The following ZFAND6 variants were observed in gnomAD, a reference collection of about 807,000 sequenced individuals.
The protein encoded by ZFAND6 is AN1-type zinc finger protein 6.
Under a neutral mutation model 24.5 loss-of-function variants are expected in ZFAND6, and 12 were observed. The ratio of observed to expected loss-of-function variants is 0.49; its 90% CI spans 0.31 to 0.79. ZFAND6 has a LOEUF of 0.79. Ranked by LOEUF, ZFAND6 falls within the 30% of genes least tolerant of loss-of-function variation. ZFAND6 has a pLI of 0.04. For synonymous variants in ZFAND6, 92 were observed against 81.5 expected, an observed-to-expected ratio of 1.13 and a Z score of -0.69; for missense variants, 207 against 245.9, an observed-to-expected ratio of 0.84 and a Z score of 1.06.
chr15:80,076,843 C>A (rs1200839705), intron 1 of ZFAND6, among the ~76,000 whole-genome samples: 1 of 151,854 alleles, frequency 6.6e-6, no homozygotes, highest in Non-Finnish European at 1.5e-5. Context: ...TTTGTAATTC[C>A]TTCTTCTAAG....
chr15:80,121,534 CAT>C (rs1380194880), intron 3 of ZFAND6, among the ~76,000 whole-genome samples, 176 bp from the exon 4 acceptor site: 1 of 152,108 alleles, frequency 6.6e-6, no homozygotes, highest in Non-Finnish European at 1.5e-5. Flanking sequence ...TTAAAATTAA[CAT>C]ATTTTTCACT....
At chr15:80,113,082 CTTAT>C (rs1477590919) in intron 2 of ZFAND6, among the ~76,000 whole-genome samples, 1 of 152,170 alleles carries the variant, frequency 6.6e-6, no homozygotes, top group Non-Finnish European at 1.5e-5. Context: ...AATGTGCATT[CTTAT>C]TTAACCAGAC....
chr15:80,074,713 T>A lies in ZFAND6; in HGVS notation c.-181+14904T>A, dbSNP rs559713840. Among the ~76,000 whole-genome samples the A allele has an allele frequency of 4.6e-5, 7 of 152,074 alleles. No homozygotes were observed. In the South Asian group the frequency reaches 1.4e-3, roughly 31 times the overall value. On this transcript the variant is annotated intron_variant, in intron 1 of 6. Coordinates refer to ENST00000261749, the MANE Select transcript of ZFAND6 (RefSeq NM_019006.4). ...CACACATATAGTGGTGCTAGACATA[T>A]GTTGTTTCTGTTTGTCTTTAAGAGC...
At chr15:80,115,244 T>A (rs2039818341) in intron 2 of ZFAND6, among the ~76,000 whole-genome samples, 1 of 152,164 alleles carries the variant, frequency 6.6e-6, no homozygotes, top group Non-Finnish European at 1.5e-5. Flanking sequence ...TCTGGGATGT[T>A]AGAGGGAGTA....
intron 1 of ZFAND6, among the ~76,000 whole-genome samples, chr15:80,091,508 T>C (rs935753217): frequency 6.6e-6 from 1 of 152,208 alleles, no homozygotes; most frequent in African/African-American, 2.4e-5. Context: ...TTTATAATGT[T>C]ATGAAAACTA....
chr15:80,119,256 G>C (rs2040037257), intron 2 of ZFAND6, among the ~76,000 whole-genome samples: 1 of 152,008 alleles, frequency 6.6e-6, no homozygotes, highest in Admixed American at 6.6e-5. Flanking sequence ...TAATGCCTCT[G>C]TCCTGTTAGT....
At position 80,080,185 on chromosome 15, in the gene ZFAND6, C is replaced by T. The variant is rs546786811; in HGVS notation, c.-180-18231C>T. Among the ~76,000 whole-genome samples, 133 of 151,828 alleles carry T rather than the reference C, an allele frequency of 8.8e-4. 1 individual carries two copies. Among genetic ancestry groups the T allele is most frequent in the Middle Eastern group, 3.4e-3 (1 of 292 alleles). ...GCTAATTTTTGTATTTTAGTAGCTA[C>T]GGGGTTTCACCATGTTGGCCAGGCT... On this transcript the variant is annotated intron_variant, in intron 1 of 6. Coordinates refer to ENST00000261749, the MANE Select transcript of ZFAND6 (RefSeq NM_019006.4).
chr15:80,081,649 T>C (rs958048452), intron 1 of ZFAND6, among the ~76,000 whole-genome samples: 3 of 152,220 alleles, frequency 2.0e-5, no homozygotes, highest in African/African-American at 7.2e-5. Flanking sequence ...CCACCTATGA[T>C]TGGCTGAAAC....
chr15:80,072,471 A>T (rs1259796767), intron 1 of ZFAND6: 1 of 152,052 alleles, frequency 6.6e-6, no homozygotes, highest in Non-Finnish European at 1.5e-5. Context: ...AAAATAATGG[A>T]TATTAGCCGT....
intron 5 of ZFAND6, among the ~76,000 whole-genome samples, chr15:80,128,435 GTT>G (rs1352277519): frequency 6.6e-6 from 1 of 152,164 alleles, no homozygotes; most frequent in Non-Finnish European, 1.5e-5. Context: ...TGAAAAGACT[GTT>G]TGCTGAAGTG....
chr15:80,121,815 G>A lies in ZFAND6; in HGVS notation c.258G>A (p.Gln86=). The A allele has an allele frequency of 6.2e-7, 1 of 1,611,858 alleles. No individual in the cohort carries two copies. The highest frequency in any genetic ancestry group is 8.5e-7 in the Non-Finnish European group (1 of 1,178,264). The change falls in exon 4 of 7, where the codon CAG becomes CAA. Residue 86 remains glutamine (Q), a synonymous_variant. Transcript: ENST00000261749. ...TAGACTCTACATCTTCATCTATGCA[G>A]CCCAGGTAAGATGTACTCTCTGAAT... is the stretch of plus-strand genomic sequence containing the variant. ...SALDSTSSSM[Q]PSPVSNQSLL...
chr15:80,098,338 C>T (rs1455907733), intron 1 of ZFAND6, 78 bp from the exon 2 acceptor site: 3 of 152,178 alleles, frequency 2.0e-5, no homozygotes, highest in Non-Finnish European at 4.4e-5. Context: ...GAAAGCACTC[C>T]TTAAAATTTT....
At chr15:80,117,308 C>T (rs1022495239) in intron 2 of ZFAND6, among the ~76,000 whole-genome samples, 9 of 152,206 alleles carry the variant, frequency 5.9e-5, no homozygotes, top group African/African-American at 1.4e-4. Flanking sequence ...CTGCAAGCTC[C>T]GCCCCCTGGC....
chr15:80,090,760 G>A (rs2038308543), intron 1 of ZFAND6, among the ~76,000 whole-genome samples: 1 of 152,182 alleles, frequency 6.6e-6, no homozygotes, highest in Non-Finnish European at 1.5e-5. Flanking sequence ...CTGAGCTAAT[G>A]TATATAAAAA....
intron 1 of ZFAND6, chr15:80,060,445 AG>A (rs2036270179): frequency 6.6e-6 from 1 of 152,222 alleles, no homozygotes; most frequent in Non-Finnish European, 1.5e-5. Flanking sequence ...TACCTAAAAA[AG>A]TATGAAAGAA....
chr15:80,104,612 G>C (rs1236298455), intron 2 of ZFAND6, among the ~76,000 whole-genome samples: 1 of 152,158 alleles, frequency 6.6e-6, no homozygotes, highest in Non-Finnish European at 1.5e-5. Flanking sequence ...ATATCATTTT[G>C]TGTTTTACTT....
chr15:80,102,874 A>G (rs1392428511), intron 2 of ZFAND6, among the ~76,000 whole-genome samples: 1 of 152,264 alleles, frequency 6.6e-6, no homozygotes, highest in East Asian at 1.9e-4. Flanking sequence ...AACACATGGA[A>G]ATAGAAATCC....
chr15:80,080,692 A>G (rs926782157), intron 1 of ZFAND6, among the ~76,000 whole-genome samples: 6 of 152,186 alleles, frequency 3.9e-5, no homozygotes, highest in Non-Finnish European at 8.8e-5. Context: ...TAATTGGCTC[A>G]TGGTTCTTCA....
chr15:80,071,216 G>A (rs1372050364), intron 1 of ZFAND6, among the ~76,000 whole-genome samples: 3 of 152,168 alleles, frequency 2.0e-5, no homozygotes, highest in Non-Finnish European at 4.4e-5. Flanking sequence ...TAATATTTGA[G>A]TTTTCTCTGA....
Sources: gnomAD v4.1 joint callset for allele counts (sites outside exome capture counted in the v4.1 genomes callset) on GRCh38, gnomAD v4.1.1 for gene constraint, MANE v1.5 for transcripts, NCBI Gene and HGNC (gene_info 2026-07-23, HGNC 2026-07-21) for gene names.